CSGALNACT2: variants seen among roughly 807,000 people sequenced by gnomAD.
The protein encoded by CSGALNACT2 is chondroitin sulfate N-acetylgalactosaminyltransferase 2.
A neutral mutation model predicts 55.3 loss-of-function variants in CSGALNACT2; 35 were observed. The observed-to-expected ratio is 0.63, with a 90% CI of 0.48 to 0.84. The LOEUF is 0.84. CSGALNACT2 is among the 40% of genes least tolerant of loss of function. The pLI, the probability that CSGALNACT2 is intolerant of heterozygous loss-of-function variation, is 0.00. For synonymous variants in CSGALNACT2, 196 were observed against 224.9 expected (o/e 0.87, Z 1.15); for missense variants, 544 against 657.5 (o/e 0.83, Z 1.89).
intron 7 of CSGALNACT2, among the ~76,000 whole-genome samples, chr10:43,182,462 A>C (rs1839606362): frequency 6.6e-6 from 1 of 152,170 alleles, no homozygotes; most frequent in Admixed American, 6.5e-5. Context: ...CAGTAATTTC[A>C]TTCATTCCTG....
At chr10:43,172,555 G>T (rs1192854206) in intron 6 of CSGALNACT2, among the ~76,000 whole-genome samples, 1 of 152,166 alleles carries the variant, frequency 6.6e-6, no homozygotes, top group Non-Finnish European at 1.5e-5. Context: ...GGCCCAGGAG[G>T]CTGGGTGATG....
intron 6 of CSGALNACT2, among the ~76,000 whole-genome samples, chr10:43,173,476 A>T (rs1839421176): frequency 6.6e-6 from 1 of 152,236 alleles, no homozygotes; most frequent in African/African-American, 2.4e-5. Flanking sequence ...AGGATTATGG[A>T]CAATTTGAGT....
intron 4 of CSGALNACT2, chr10:43,163,130 C>G (rs905589739): frequency 3.0e-6 from 3 of 985,274 alleles, no homozygotes; most frequent in African/African-American, 1.7e-5. Flanking sequence ...TTTGAATGAC[C>G]TTTACACTCA....
chr10:43,148,150 A>G (rs1198125885), intron 1 of CSGALNACT2, among the ~76,000 whole-genome samples: 1 of 152,202 alleles, frequency 6.6e-6, no homozygotes, highest in Non-Finnish European at 1.5e-5. Flanking sequence ...TGAAAAAACT[A>G]TTCTTTCTCC....
At chr10:43,164,770 C>T (rs1038363341) in intron 5 of CSGALNACT2, among the ~76,000 whole-genome samples, 1 of 150,898 alleles carries the variant, frequency 6.6e-6, no homozygotes, top group African/African-American at 2.4e-5. Flanking sequence ...TTGCTTGAAC[C>T]TGGGAGGCAA....
chr10:43,169,803 C>A (rs1020009445), intron 6 of CSGALNACT2, among the ~76,000 whole-genome samples: 2 of 152,170 alleles, frequency 1.3e-5, no homozygotes, highest in African/African-American at 4.8e-5. Flanking sequence ...CCAGTTTGTT[C>A]ACAAAGGAGT....
chr10:43,159,231 C>G (rs1370293847), intron 3 of CSGALNACT2, among the ~76,000 whole-genome samples: 1 of 152,046 alleles, frequency 6.6e-6, no homozygotes, highest in Admixed American at 6.5e-5. Context: ...ATCAACTTTA[C>G]TAAGGAATAA....
chr10:43,152,518 T>C (rs183393806), intron 1 of CSGALNACT2, among the ~76,000 whole-genome samples: 53 of 152,310 alleles, frequency 3.5e-4, no homozygotes, highest in African/African-American at 1.2e-3. Flanking sequence ...TGTATTTCCC[T>C]TAAAGGGAAG....
intron 1 of CSGALNACT2, among the ~76,000 whole-genome samples, 151 bp from the exon 2 acceptor site, chr10:43,154,746 C>T (rs1329565984): frequency 1.3e-5 from 2 of 151,920 alleles, no homozygotes; most frequent in Non-Finnish European, 2.9e-5. Flanking sequence ...AAAAAATTCT[C>T]CTAGTATTTA....
At chr10:43,148,035 T>G (rs1838799333) in intron 1 of CSGALNACT2, among the ~76,000 whole-genome samples, 1 of 152,192 alleles carries the variant, frequency 6.6e-6, no homozygotes, top group Non-Finnish European at 1.5e-5. Flanking sequence ...ACTCTTATAT[T>G]CAGATATTTG....
At chr10:43,175,301 G>A (rs1009408712) in intron 6 of CSGALNACT2, among the ~76,000 whole-genome samples, 15 of 152,194 alleles carry the variant, frequency 9.9e-5, no homozygotes, top group African/African-American at 2.9e-4. Flanking sequence ...AGAGGCCATC[G>A]TTTGCTGACC....
At chr10:43,146,454 G>A (rs1838750187) in intron 1 of CSGALNACT2, among the ~76,000 whole-genome samples, 1 of 152,188 alleles carries the variant, frequency 6.6e-6, no homozygotes, top group Non-Finnish European at 1.5e-5. Flanking sequence ...CAGATTGAGT[G>A]TGGGTCTACC....
chr10:43,159,059 T>C, intron 3 of CSGALNACT2, 128 bp downstream of exon 3: 2 of 613,120 alleles, frequency 3.3e-6, no homozygotes, highest in Non-Finnish European at 2.9e-6. Flanking sequence ...AGGGGAACTT[T>C]ATTTTTTTAT....
intron 4 of CSGALNACT2, chr10:43,163,178 G>A: frequency 1.4e-5 from 14 of 985,174 alleles, no homozygotes; most frequent in Non-Finnish European, 1.7e-5. Flanking sequence ...CATAACTCAC[G>A]TTCCACTTCT....
At position 43,150,318 on chromosome 10, in the gene CSGALNACT2, A is replaced by T. The variant is rs185290321; in HGVS notation, c.-253-4579A>T. Among the ~76,000 whole-genome samples, 351 of 152,320 alleles carry T rather than the reference A, an allele frequency of 2.3e-3. 1 individual carries two copies. The highest frequency in any genetic ancestry group is 3.9e-3 in the Non-Finnish European group (262 of 68,018). ...ATAATGAGCAAAAATCTTAGTTACC[A>T]ATGTCGTTAACATTAATGATGTTTT... On this transcript the variant is annotated intron_variant, in intron 1 of 7. Coordinates refer to ENST00000374466, the MANE Select transcript of CSGALNACT2 (RefSeq NM_018590.5).
chr10:43,165,037 C>T (rs1839232356), intron 5 of CSGALNACT2, among the ~76,000 whole-genome samples: 1 of 151,990 alleles, frequency 6.6e-6, no homozygotes, highest in South Asian at 2.1e-4. Flanking sequence ...TCCTGGCTAA[C>T]ACAGTGAAAC....
intron 1 of CSGALNACT2, among the ~76,000 whole-genome samples, chr10:43,144,884 A>G (rs1838709660): frequency 1.3e-5 from 2 of 152,354 alleles, no homozygotes; most frequent in Admixed American, 1.3e-4. Flanking sequence ...CTAAAATTTT[A>G]TATAAATAGA....
At chr10:43,147,257 G>C (rs1044234607) in intron 1 of CSGALNACT2, among the ~76,000 whole-genome samples, 1 of 152,072 alleles carries the variant, frequency 6.6e-6, no homozygotes, top group African/African-American at 2.4e-5. Context: ...TTACAGGCGT[G>C]AGCCACCGCG....
intron 1 of CSGALNACT2, among the ~76,000 whole-genome samples, chr10:43,145,410 C>T (rs377008706): frequency 2.7e-3 from 269 of 99,326 alleles, no homozygotes; most frequent in African/African-American, 3.1e-3. Context: ...TTGTTTGTTT[C>T]TTTTTTTTTT....
Sources: allele counts gnomAD v4.1 joint callset (sites outside exome capture counted in the v4.1 genomes callset), GRCh38; gene constraint gnomAD v4.1.1; transcripts MANE v1.5; gene names NCBI Gene and HGNC (gene_info 2026-07-23, HGNC 2026-07-21).